The following PDE5A variants were observed in gnomAD, a reference collection of about 807,000 sequenced individuals.
PDE5A encodes phosphodiesterase 5A.
Under a neutral mutation model 110.2 loss-of-function variants are expected in PDE5A, and 67 were observed. The ratio of observed to expected loss-of-function variants is 0.61; its 90% CI spans 0.50 to 0.75. PDE5A has a LOEUF of 0.75. PDE5A is among the 30% of genes least tolerant of loss of function. The pLI is 0.00. For synonymous variants in PDE5A, 328 were observed against 351.2 expected (o/e 0.93, Z 0.74); for missense variants, 862 against 1,045.1 (o/e 0.82, Z 2.42).
rs536735591 is a variant in PDE5A at position 119,600,982 on chromosome 4, C to A, written c.742-4370G>T. On this transcript the variant is annotated intron_variant, in intron 2 of 20. Coordinates refer to ENST00000354960, the MANE Select transcript of PDE5A (RefSeq NM_001083.4). ...TCAATACTTACATCACATAAATATG[C>A]CTCCTTATAAGATACACTACGAAGG... 8.9e-4 allele frequency among the ~76,000 whole-genome samples: 135 copies of A among 152,238 alleles called. 2 individuals are homozygous for A. The South Asian group carries it at 0.027, about 30-fold the overall frequency.
At chr4:119,590,247 A>AT (rs1464812329) in intron 3 of PDE5A, among the ~76,000 whole-genome samples, 5 of 152,230 alleles carry the variant, frequency 3.3e-5, no homozygotes, top group Non-Finnish European at 5.9e-5. Flanking sequence ...TTGCCAGATC[A>AT]TTAGCACAGT....
intron 2 of PDE5A, among the ~76,000 whole-genome samples, chr4:119,602,009 T>A (rs116388342): frequency 0.011 from 1,704 of 152,240 alleles, 36 homozygotes; most frequent in African/African-American, 0.039. Flanking sequence ...ATGTGCAATA[T>A]GGGATCCTGA....
chr4:119,622,477 G>A (rs1445033869), intron 1 of PDE5A, among the ~76,000 whole-genome samples: 1 of 152,058 alleles, frequency 6.6e-6, no homozygotes, highest in Admixed American at 6.5e-5. Context: ...AGAATCAAGG[G>A]AAAAGTCTCC....
chr4:119,517,201 T>C (rs571610213), intron 14 of PDE5A: 2 of 152,370 alleles, frequency 1.3e-5, no homozygotes, highest in African/African-American at 2.4e-5. Context: ...TTTCTCTTTT[T>C]GATAAATTAC....
chr4:119,547,827 G>A (rs145223268), intron 9 of PDE5A, among the ~76,000 whole-genome samples: 42 of 151,924 alleles, frequency 2.8e-4, no homozygotes, highest in African/African-American at 9.6e-4. Flanking sequence ...TTTCAGAAAC[G>A]ACTGACTTTA....
intron 3 of PDE5A, among the ~76,000 whole-genome samples, chr4:119,582,049 A>G (rs970309005): frequency 2.0e-5 from 3 of 152,172 alleles, no homozygotes; most frequent in African/African-American, 7.2e-5. Flanking sequence ...TAAGACAACA[A>G]TGAAGTTGCC....
intron 14 of PDE5A, among the ~76,000 whole-genome samples, chr4:119,511,523 A>C: frequency 6.6e-6 from 1 of 152,164 alleles, no homozygotes; most frequent in East Asian, 1.9e-4. Flanking sequence ...AAACAAATTC[A>C]TGTTAGCTTT....
Position 119,565,320 on chromosome 4 carries a change from C to G in PDE5A, c.993+1G>C, listed in dbSNP as rs201028578. On this transcript the variant is annotated splice_donor_variant, in intron 5 of 20. Transcript: ENST00000354960. LOFTEE classifies it high-confidence loss of function. Reference sequence around the variant, plus strand: ...GCACTTTCTTTAGTAATCAGACTGACCTGATTTCTCTTGTTCTCCAGCAGT... The same window carrying G: ...GCACTTTCTTTAGTAATCAGACTGAGCTGATTTCTCTTGTTCTCCAGCAGT... The G allele has an allele frequency of 6.3e-6, 10 of 1,592,338 alleles. No individual in the cohort carries two copies. Among genetic ancestry groups the G allele is most frequent in the Non-Finnish European group, 7.7e-6 (9 of 1,161,344 alleles).
Position 119,512,634 on chromosome 4 carries a change from G to T in PDE5A, c.2001-1500C>A, listed in dbSNP as rs1039697110. On this transcript the variant is annotated intron_variant, in intron 14 of 20. Coordinates refer to ENST00000354960, the MANE Select transcript of PDE5A (RefSeq NM_001083.4). ...GGAACTGGTAATGACTCCTGACTAG[G>T]AGTGGGATGAGGGAGATAAGGGGAT... Among the ~76,000 whole-genome samples, 8 of 152,046 alleles carry T rather than the reference G, an allele frequency of 5.3e-5. No homozygotes were observed. The South Asian group carries it at 1.2e-3, about 24-fold the overall frequency.
intron 13 of PDE5A, among the ~76,000 whole-genome samples, chr4:119,519,864 G>A (rs1726060855): frequency 6.6e-6 from 1 of 152,064 alleles, no homozygotes; most frequent in Admixed American, 6.6e-5. Flanking sequence ...AAGTTTACAT[G>A]ATTTCTTACA....
intron 3 of PDE5A, among the ~76,000 whole-genome samples, chr4:119,568,042 GAT>G (rs954901264): frequency 1.3e-5 from 2 of 151,908 alleles, no homozygotes; most frequent in African/African-American, 4.8e-5. Context: ...TTAAGAAAAA[GAT>G]ATAAAATTCT....
rs1207972817 is a variant in PDE5A, at chr4:119,502,527, C to CAATT, written c.2406+50_2406+53dup. On this transcript the variant is annotated intron_variant, in intron 19 of 20. Transcript: ENST00000354960. ...CCATAGAGCCATAAAAAGGAGTCTA[C>CAATT]AATTAAAAAAAAAACAATTTGAATA... The CAATT allele has an allele frequency of 2.0e-5, 21 of 1,056,414 alleles. No individual in the cohort carries two copies. In the Admixed American group the frequency reaches 3.7e-4, roughly 18 times the overall value. The allele number at this position is 1,056,414 out of a possible 1,614,324, so 65.4% of individuals were successfully genotyped here.
intron 1 of PDE5A, among the ~76,000 whole-genome samples, chr4:119,610,145 G>A (rs1173778785): frequency 6.6e-6 from 1 of 152,144 alleles, no homozygotes; most frequent in East Asian, 1.9e-4. Context: ...AATTTCCGGT[G>A]AAGACAACAT....
At chr4:119,597,649 G>T (rs1468443720) in intron 2 of PDE5A, among the ~76,000 whole-genome samples, 4 of 151,976 alleles carry the variant, frequency 2.6e-5, no homozygotes, top group Admixed American at 2.0e-4. Flanking sequence ...TACGCAGTTG[G>T]AATTCCCTTC....
At chr4:119,510,951 A>G (rs1269033321) in intron 15 of PDE5A, 96 bp downstream of exon 15, 1 of 847,002 alleles carries the variant, frequency 1.2e-6, no homozygotes, top group East Asian at 2.5e-5. Flanking sequence ...TATGTGCAAG[A>G]ATTTATGATG....
chr4:119,552,734 T>G, intron 8 of PDE5A, 97 bp from the exon 9 acceptor site: 1 of 588,436 alleles, frequency 1.7e-6, no homozygotes, highest in Non-Finnish European at 2.9e-6. Context: ...TTGAAAGCAC[T>G]ATATATTCAA....
rs564045514 is a variant in PDE5A at position 119,535,054 on chromosome 4, A to C, written c.1632+3906T>G. On this transcript the variant is annotated intron_variant, in intron 11 of 20. Coordinates refer to ENST00000354960, the MANE Select transcript of PDE5A (RefSeq NM_001083.4). ...GTATATATTTTACTGTTCTAACAAG[A>C]AAGGAAGGTTGCCGGGACTGACCCA... 4.6e-5 allele frequency among the ~76,000 whole-genome samples: 7 copies of C among 152,288 alleles called. No individual in the cohort carries two copies. The East Asian group carries it at 9.6e-4, about 21-fold the overall frequency.
intron 10 of PDE5A, 141 bp downstream of exon 10, chr4:119,542,318 A>G (rs1400976582): frequency 1.5e-6 from 1 of 684,632 alleles, no homozygotes; most frequent in Non-Finnish European, 2.4e-6. Flanking sequence ...GTTGAGGACA[A>G]TAAGGATCTC....
chr4:119,557,529 T>G (rs1295004988), intron 7 of PDE5A, among the ~76,000 whole-genome samples: 1 of 152,100 alleles, frequency 6.6e-6, no homozygotes, highest in East Asian at 1.9e-4. Flanking sequence ...GATAAATTTC[T>G]GTGCTTTAGA....
Sources: gnomAD v4.1 joint callset for allele counts (sites outside exome capture counted in the v4.1 genomes callset) on GRCh38, gnomAD v4.1.1 for gene constraint, MANE v1.5 for transcripts, NCBI Gene and HGNC (gene_info 2026-07-23, HGNC 2026-07-21) for gene names.